INPP4B: variants seen among roughly 807,000 people sequenced by gnomAD.
INPP4B encodes inositol polyphosphate-4-phosphatase type II B.
In INPP4B, 55 loss-of-function variants were observed where a neutral mutation model predicts 122.5. The observed-to-expected ratio is 0.45, with a 90% CI of 0.36 to 0.56. The LOEUF (loss-of-function observed/expected upper bound fraction) is 0.56, where lower values mean the gene tolerates loss of function less well. Among genes scored for constraint, INPP4B ranks in the 20% least tolerant of loss-of-function variants. INPP4B has a pLI of 0.00. For missense variants in INPP4B, 1,000 were observed against 1,097.7 expected (o/e 0.91, Z 1.26); for synonymous variants, 403 against 388.7 (o/e 1.04, Z -0.43).
At chr4:142,837,890 C>T (rs564239559) in intron 1 of INPP4B, among the ~76,000 whole-genome samples, 72 of 152,186 alleles carry the variant, frequency 4.7e-4, no homozygotes, top group Non-Finnish European at 9.6e-4. Flanking sequence ...CAGAAAATAT[C>T]CATCACAGTG....
rs71586272 is a variant in INPP4B at position 142,281,338 on chromosome 4, AT to A, written c.504-10565del. On this transcript the variant is annotated intron_variant, in intron 9 of 25. Coordinates refer to ENST00000262992, the MANE Select transcript of INPP4B (RefSeq NM_001101669.3). Reference sequence around the variant, plus strand: ...AAACAGTCTGGATAGATAGCTAAGCATTTTTTTTTTTTTGCTTCTTCAACAA... The same window carrying A: ...AAACAGTCTGGATAGATAGCTAAGCATTTTTTTTTTTTGCTTCTTCAACAA... 6.5e-3 allele frequency among the ~76,000 whole-genome samples: 953 copies of A among 145,740 alleles called. 8 individuals carry two copies. The highest frequency in any genetic ancestry group is 0.017 in the African/African-American group (666 of 40,152).
chr4:142,347,459 C>T (rs1780643751), intron 7 of INPP4B: 4 of 427,740 alleles, frequency 9.4e-6, no homozygotes, highest in Non-Finnish European at 1.4e-5. Context: ...ACAGCTGACA[C>T]ATAAAATGAA....
chr4:142,274,649 C>A (rs984324843), intron 9 of INPP4B, among the ~76,000 whole-genome samples: 13 of 151,810 alleles, frequency 8.6e-5, no homozygotes, highest in Non-Finnish European at 1.3e-4. Flanking sequence ...GACATTGGAT[C>A]TTGGTATGTT....
At chr4:142,029,366 T>G (rs904944195) in intron 25 of INPP4B, 1 of 984,774 alleles carries the variant, frequency 1.0e-6, no homozygotes, top group African/African-American at 1.7e-5. Flanking sequence ...AAATTTCATC[T>G]CTATTTTATT....
At chr4:142,315,282 A>G (rs955012363) in intron 7 of INPP4B, among the ~76,000 whole-genome samples, 1 of 152,062 alleles carries the variant, frequency 6.6e-6, no homozygotes, top group Non-Finnish European at 1.5e-5. Flanking sequence ...GAGCGCCCAC[A>G]CTCATGCTTC....
In INPP4B at chr4:142,027,104, A is replaced by G. The variant is rs1195763454; in HGVS notation, c.*1678T>C. ...AGAGAACATCAAGGTAATTTTGTCT[A>G]TGAATGGATTCAAAGTACACAGCAC... On this transcript the variant is annotated 3_prime_UTR_variant, in exon 26 of 26. Transcript: ENST00000262992. The G allele has an allele frequency of 6.6e-6, 1 of 152,238 alleles. No individual in the cohort carries two copies. The highest frequency in any genetic ancestry group is 2.4e-5 in the African/African-American group (1 of 41,462). 9.4% of individuals were successfully genotyped at this position (152,238 alleles called of 1,614,324 possible).
intron 12 of INPP4B, among the ~76,000 whole-genome samples, chr4:142,226,219 CA>C (rs1383691203): frequency 2.0e-5 from 3 of 152,138 alleles, no homozygotes; most frequent in Admixed American, 6.6e-5. Flanking sequence ...ACTATGAATA[CA>C]AACAAACACA....
At position 142,168,474 on chromosome 4, in the gene INPP4B, C is replaced by T. The variant is rs1338370255; in HGVS notation, c.1359+5158G>A. On this transcript the variant is annotated intron_variant, in intron 16 of 25. Coordinates refer to ENST00000262992, the MANE Select transcript of INPP4B (RefSeq NM_001101669.3). The stretch of plus-strand genomic sequence containing the variant: ...ATGGCAAAGTAAAATTACTCAGAAT[C>T]AGTGGGATCCTTTCAAGCCTTGTTT... Among the ~76,000 whole-genome samples the T allele has an allele frequency of 4.6e-5, 7 of 151,590 alleles. No homozygotes were observed. The East Asian group carries it at 1.4e-3, about 29-fold the overall frequency.
At chr4:142,336,929 A>G (rs534710954) in intron 7 of INPP4B, among the ~76,000 whole-genome samples, 35 of 152,330 alleles carry the variant, frequency 2.3e-4, no homozygotes, top group African/African-American at 7.2e-4. Flanking sequence ...ATACAACCCC[A>G]GTATTCTCCA....
chr4:142,042,965 C>T (rs1405245136), intron 25 of INPP4B, among the ~76,000 whole-genome samples: 1 of 152,108 alleles, frequency 6.6e-6, no homozygotes, highest in East Asian at 1.9e-4. Flanking sequence ...TGAACTGGCT[C>T]AACATCAAAC....
At chr4:142,184,279 C>T (rs149184773) in intron 15 of INPP4B, among the ~76,000 whole-genome samples, 3 of 152,190 alleles carry the variant, frequency 2.0e-5, no homozygotes, top group Non-Finnish European at 4.4e-5. Context: ...TTTAAGTTAG[C>T]CATCTTTATA....
intron 9 of INPP4B, among the ~76,000 whole-genome samples, chr4:142,299,797 C>T (rs962469181): frequency 6.6e-6 from 1 of 151,608 alleles, no homozygotes; most frequent in Admixed American, 6.6e-5. Flanking sequence ...TGGTACCTCC[C>T]CCTACCACCC....
intron 7 of INPP4B, among the ~76,000 whole-genome samples, chr4:142,359,412 G>A (rs1784690004): frequency 6.6e-6 from 1 of 151,836 alleles, no homozygotes; most frequent in Admixed American, 6.6e-5. Context: ...AATTATAAAT[G>A]CCTAGAATTT....
intron 18 of INPP4B, among the ~76,000 whole-genome samples, chr4:142,133,059 T>G (rs1802115964): frequency 6.6e-6 from 1 of 152,198 alleles, no homozygotes; most frequent in South Asian, 2.1e-4. Flanking sequence ...GCTTTCAGGA[T>G]AGCATATTCT....
At chr4:142,234,001 C>G (rs1242169919) in intron 12 of INPP4B, among the ~76,000 whole-genome samples, 1 of 152,060 alleles carries the variant, frequency 6.6e-6, no homozygotes, top group Admixed American at 6.6e-5. Context: ...AAAGCCACTG[C>G]CTTTTTCTCT....
chr4:142,593,871 T>TACAC (rs529160360), intron 2 of INPP4B, among the ~76,000 whole-genome samples: 21 of 149,740 alleles, frequency 1.4e-4, no homozygotes, highest in African/African-American at 4.6e-4. Context: ...TCAGCATAAA[T>TACAC]ACACACACAC....
At chr4:142,219,547 T>C (rs185400311) in intron 12 of INPP4B, among the ~76,000 whole-genome samples, 26 of 152,334 alleles carry the variant, frequency 1.7e-4, no homozygotes, top group Non-Finnish European at 2.9e-4. Flanking sequence ...TGTGCAAAGG[T>C]TTCTCACAAA....
intron 2 of INPP4B, among the ~76,000 whole-genome samples, chr4:142,724,306 C>G (rs1006059675): frequency 3.9e-5 from 6 of 152,104 alleles, no homozygotes; most frequent in Admixed American, 1.3e-4. Context: ...TAAATGCAAC[C>G]TGGAGAGTCT....
At chr4:142,470,671 G>A (rs1483679563) in intron 2 of INPP4B, among the ~76,000 whole-genome samples, 1 of 152,098 alleles carries the variant, frequency 6.6e-6, no homozygotes, top group Admixed American at 6.5e-5. Flanking sequence ...GCATGTGGGA[G>A]GCATGCAATA....
Sources: gnomAD v4.1 joint callset for allele counts (sites outside exome capture counted in the v4.1 genomes callset) on GRCh38, gnomAD v4.1.1 for gene constraint, MANE v1.5 for transcripts, NCBI Gene and HGNC (gene_info 2026-07-23, HGNC 2026-07-21) for gene names.